The following ATP1A2 variants were observed in gnomAD, a reference collection of about 807,000 sequenced individuals.
ATP1A2 encodes the protein sodium/potassium-transporting ATPase subunit alpha-2.
ATP1A2 carries 56 observed loss-of-function variants against 113.1 expected under a neutral mutation model. The observed-to-expected ratio is 0.49, with a 90% CI of 0.40 to 0.62. ATP1A2 has a LOEUF of 0.62. ATP1A2 is among the 20% of genes least tolerant of loss of function. The pLI is 0.00. For synonymous variants in ATP1A2, 490 were observed against 526.8 expected, an observed-to-expected ratio of 0.93 and a Z score of 0.96; for missense variants, 712 against 1,357.8, an observed-to-expected ratio of 0.52 and a Z score of 7.47.
rs12034274 is a variant in ATP1A2, at chr1:160,129,774, A to G, written c.1462-328A>G. On this transcript the variant is annotated intron_variant, in intron 11 of 22. Coordinates refer to ENST00000361216, the MANE Select transcript of ATP1A2 (RefSeq NM_000702.4). ...CAAGAATGCAATCTCAGCATTCCTTATTATCCATAGAGGTAAAGCCCCCTG... is the reference window on the plus strand; with the variant it reads ...CAAGAATGCAATCTCAGCATTCCTTGTTATCCATAGAGGTAAAGCCCCCTG... Among the ~76,000 whole-genome samples, 5 of 152,286 alleles carry G rather than the reference A, an allele frequency of 3.3e-5. No individual in the cohort carries two copies. In the East Asian group the frequency reaches 9.7e-4, roughly 29 times the overall value.
intron 13 of ATP1A2, among the ~76,000 whole-genome samples, chr1:160,133,158 G>A (rs552423212): frequency 3.3e-5 from 5 of 152,260 alleles, no homozygotes; most frequent in African/African-American, 1.2e-4. Context: ...GCATGCAGAG[G>A]AGTGGAGGGA....
intron 22 of ATP1A2, chr1:160,140,199 G>A: frequency 1.7e-6 from 1 of 584,404 alleles, no homozygotes; most frequent in South Asian, 1.9e-5. Flanking sequence ...CTAACTCACA[G>A]TTGGTCTCCG....
At chr1:160,129,786 G>A (rs1188386319) in intron 11 of ATP1A2, among the ~76,000 whole-genome samples, 1 of 152,156 alleles carries the variant, frequency 6.6e-6, no homozygotes, top group African/African-American at 2.4e-5. Flanking sequence ...TATCCATAGA[G>A]GTAAAGCCCC....
chr1:160,116,852 T>C (rs540204070), intron 1 of ATP1A2, among the ~76,000 whole-genome samples: 1 of 152,112 alleles, frequency 6.6e-6, no homozygotes, highest in Non-Finnish European at 1.5e-5. Flanking sequence ...TTATTGCACC[T>C]AGTTGAGCAG....
At position 160,134,594 on chromosome 1, in the gene ATP1A2, C is replaced by T. The variant is rs1266390190; in HGVS notation, c.1938C>T (p.Asn646=). The change falls in exon 14 of 23, where the codon AAC becomes AAT. Residue 646 remains asparagine, a synonymous_variant. Coordinates refer to ENST00000361216, the MANE Select transcript of ATP1A2 (RefSeq NM_000702.4). Reference sequence around the variant, plus strand: ...TGGAGGACATTGCAGCCCGGCTCAACATTCCCATGAGTCAAGTCAACCCCA... The same window carrying T: ...TGGAGGACATTGCAGCCCGGCTCAATATTCCCATGAGTCAAGTCAACCCCA... ...ETVEDIAARL[N]IPMSQVNPRE... The T allele has an allele frequency of 1.2e-6, 2 of 1,614,248 alleles. No individual in the cohort carries two copies. Among genetic ancestry groups the T allele is most frequent in the South Asian group, 2.2e-5 (2 of 91,088 alleles).
intron 20 of ATP1A2, 104 bp from the exon 21 acceptor site, chr1:160,139,536 C>A: frequency 1.0e-6 from 1 of 955,298 alleles, no homozygotes; most frequent in Non-Finnish European, 1.7e-6. Context: ...GCGACTATGT[C>A]GTTTAGAATT....
At position 160,128,107 on chromosome 1, in the gene ATP1A2, G is replaced by A. The variant is rs145040602; in HGVS notation, c.1017+287G>A. 3.2e-3 allele frequency among the ~76,000 whole-genome samples: 485 copies of A among 152,254 alleles called. 5 individuals carry two copies. Among genetic ancestry groups the A allele is most frequent in the African/African-American group, 0.011 (460 of 41,536 alleles). On this transcript the variant is annotated intron_variant, in intron 8 of 22. Coordinates refer to ENST00000361216, the MANE Select transcript of ATP1A2 (RefSeq NM_000702.4). Reference sequence around the variant, plus strand: ...CATTCCGTCCAAGTCTCCTGTAGAGGCTGTCTCAAAGGTCACCAGTCACTA... The same window carrying A: ...CATTCCGTCCAAGTCTCCTGTAGAGACTGTCTCAAAGGTCACCAGTCACTA...
At chr1:160,128,520 C>T (rs1365994029) in intron 8 of ATP1A2, 132 bp from the exon 9 acceptor site, 2 of 1,550,692 alleles carry the variant, frequency 1.3e-6, no homozygotes, top group Admixed American at 1.9e-5. Context: ...TCATTATTTA[C>T]AGCTAAGTCC....
chr1:160,130,073 C>G, intron 11 of ATP1A2, 29 bp from the exon 12 acceptor site: 11 of 1,614,024 alleles, frequency 6.8e-6, no homozygotes, highest in Non-Finnish European at 9.3e-6. Context: ...AAGTATGGCC[C>G]TCTCTGTAAC....
rs964487698 is a variant in ATP1A2 at position 160,135,052 on chromosome 1, C to A, written c.1965-93C>A. 3 of 1,543,426 alleles carry A rather than the reference C, an allele frequency of 1.9e-6. No individual in the cohort carries two copies. Among genetic ancestry groups the A allele is most frequent in the Admixed American group, 1.8e-5 (1 of 56,186 alleles). ...CAGGGGAAGCAGGCTCAGCAGGGAG[C>A]CTGCAGGCTGCGGTGGTGAAGAGAG... On this transcript the variant is annotated intron_variant, in intron 14 of 22. Transcript: ENST00000361216. This position sits in a 1 kb window ranked among gnomAD's most constrained non-coding sequence, Gnocchi z 6.3.
chr1:160,125,088 T>C (rs1196369546), intron 6 of ATP1A2, 48 bp from the exon 7 acceptor site: 1 of 1,511,734 alleles, frequency 6.6e-7, no homozygotes. Flanking sequence ...GCTGTGTGCA[T>C]ACAAGTGGCT....
At chr1:160,140,077 T>C in intron 22 of ATP1A2, 93 bp downstream of exon 22, 1 of 1,298,540 alleles carries the variant, frequency 7.7e-7, no homozygotes, top group East Asian at 2.3e-5. Flanking sequence ...CCACTACTGG[T>C]TCCTGCTTCT....
At position 160,124,121 on chromosome 1, in the gene ATP1A2, T is replaced by C. The variant is rs2820582; in HGVS notation, c.495+65T>C. On this transcript the variant is annotated intron_variant, in intron 5 of 22. Coordinates refer to ENST00000361216, the MANE Select transcript of ATP1A2 (RefSeq NM_000702.4). ...TTTTGGCAAGAGTCCAGCTCATCTT[T>C]TGTCAGCTCCCAGGCTCTAAGATAG... is the stretch of plus-strand genomic sequence containing the variant. The C allele has an allele frequency of 0.99, 1,582,820 of 1,594,114 alleles. 786,399 individuals carry two copies. The highest frequency in any genetic ancestry group is 1 in the East Asian group (44,768 of 44,768).
Position 160,141,430 on chromosome 1 carries a change from T to C in ATP1A2, c.*108T>C. The C allele has an allele frequency of 6.9e-7, 1 of 1,456,852 alleles. No individual in the cohort carries two copies. Among genetic ancestry groups the C allele is most frequent in the Non-Finnish European group, 9.6e-7 (1 of 1,040,838 alleles). 90.2% of individuals were successfully genotyped at this position (1,456,852 alleles called of 1,614,324 possible). ...AACGGGTGGCATTGGGTGGCAACAT[T>C]TGGGGAGAGATAATGAGGCAACTCA... On this transcript the variant is annotated 3_prime_UTR_variant, in exon 23 of 23. Transcript: ENST00000361216.
In ATP1A2 at chr1:160,137,045, C is replaced by A. The variant is rs750683078; in HGVS notation, c.2840+14C>A. 6.2e-7 allele frequency: 1 copy of A among 1,614,016 alleles called. No homozygotes were observed. The highest frequency in any genetic ancestry group is 8.5e-7 in the Non-Finnish European group (1 of 1,180,016). On this transcript the variant is annotated intron_variant, in intron 20 of 22. Coordinates refer to ENST00000361216, the MANE Select transcript of ATP1A2 (RefSeq NM_000702.4). ...GCAGGGCATGAAGTGAGTGCCCACC[C>A]CCATGGCACCTACCCACCCAGGCTC...
At position 160,131,648 on chromosome 1, in the gene ATP1A2, A is replaced by G. The variant is rs543266531; in HGVS notation, c.1827+1051A>G. Among the ~76,000 whole-genome samples the G allele has an allele frequency of 2.0e-5, 3 of 152,238 alleles. No individual in the cohort carries two copies. The South Asian group carries it at 6.2e-4, about 32-fold the overall frequency. ...CAAGACCAGCCTGGCCAACATGGTG[A>G]AACCCCGTCTCTACTGAAAAAAAAA... On this transcript the variant is annotated intron_variant, in intron 13 of 22. Transcript: ENST00000361216.
At chr1:160,121,042 C>A (rs1225449700) in intron 2 of ATP1A2, 32 bp downstream of exon 2, 1 of 1,613,388 alleles carries the variant, frequency 6.2e-7, no homozygotes, top group African/African-American at 1.3e-5. Context: ...GGAGGAGGGG[C>A]CCCATGCTGG....
In ATP1A2 at chr1:160,135,429, T is replaced by A; in HGVS notation, c.2116-5T>A. ...CGTCCTCAAGTGTGGCCGTCTTCCCTCCAGGGAGCCATTGTGGCCGTGACG... is the reference window on the plus strand; with the variant it reads ...CGTCCTCAAGTGTGGCCGTCTTCCCACCAGGGAGCCATTGTGGCCGTGACG... On this transcript the variant is annotated splice_region_variant and splice_polypyrimidine_tract_variant and intron_variant, in intron 15 of 22. Transcript: ENST00000361216. The surrounding 1 kb of genome is among the most constrained non-coding windows in gnomAD (Gnocchi z 6.3). 1 of 1,614,094 alleles carries A rather than the reference T, an allele frequency of 6.2e-7. No homozygotes were observed. The highest frequency in any genetic ancestry group is 2.2e-5 in the East Asian group (1 of 44,876).
Position 160,129,326 on chromosome 1 carries a change from G to A in ATP1A2, c.1387G>A (p.Gly463Ser). 6.2e-7 allele frequency: 1 copy of A among 1,614,156 alleles called. No individual in the cohort carries two copies. Among genetic ancestry groups the A allele is most frequent in the Non-Finnish European group, 8.5e-7 (1 of 1,180,032 alleles). ...ALLKCIELSC[G>S]SVRKMRDRNP... ...GCTCAAGTGCATTGAGCTCTCCTGT[G>A]GCTCAGTGAGGAAAATGAGAGACAG... The change falls in exon 11 of 23, where the codon GGC becomes AGC. Residue 463 changes from glycine to serine, a missense_variant. By Grantham distance (56) the Gly-to-Ser change is moderately conservative. This residue lies in a region of ATP1A2 where 263 missense variants were observed against 380.6 expected (regional missense o/e 0.69). Coordinates refer to ENST00000361216, the MANE Select transcript of ATP1A2 (RefSeq NM_000702.4).
Sources: gnomAD v4.1 joint callset for allele counts (sites outside exome capture counted in the v4.1 genomes callset) on GRCh38, gnomAD v4.1.1 for gene constraint, gnomAD v4.1.1 regional missense constraint, Gnocchi (gnomAD v3.1) non-coding constraint, MANE v1.5 for transcripts, NCBI Gene and HGNC (gene_info 2026-07-23, HGNC 2026-07-21) for gene names.